FRMD4B: variants seen among roughly 807,000 people sequenced by gnomAD.
FRMD4B encodes the protein FERM domain-containing protein 4B.
In FRMD4B, 74 loss-of-function variants were observed where a neutral mutation model predicts 141.5. The ratio of observed to expected loss-of-function variants is 0.52; its 90% confidence interval spans 0.43 to 0.63. The LOEUF is 0.63. FRMD4B is among the 30% of genes least tolerant of loss of function. The pLI, the probability that FRMD4B is intolerant of heterozygous loss-of-function variation, is 0.00. For missense variants in FRMD4B, 1,366 were observed against 1,253.4 expected, an observed-to-expected ratio of 1.09 and a Z score of -1.36; for synonymous variants, 506 against 467.9, an observed-to-expected ratio of 1.08 and a Z score of -1.05.
chr3:69,454,299 T>C lies in FRMD4B; in HGVS notation c.-128-21538A>G, dbSNP rs1705549660. On this transcript the variant is annotated intron_variant, in intron 1 of 5. Coordinates refer to the FRMD4B transcript ENST00000459638. ...CAGCGTGCTGGCAGCCCTCGCTTGC[T>C]CTCTGCCCCTCCTCGGCCTCAGTGC... Among the ~76,000 whole-genome samples the C allele has an allele frequency of 2.0e-5, 3 of 152,222 alleles. No homozygotes were observed. In the South Asian group the frequency reaches 6.2e-4, roughly 32 times the overall value.
At chr3:69,223,509 C>T (rs761496154) in intron 8 of FRMD4B, among the ~76,000 whole-genome samples, 5 of 151,520 alleles carry the variant, frequency 3.3e-5, no homozygotes, top group East Asian at 1.9e-4. Flanking sequence ...GGGGAGACTC[C>T]GTCTCAAAAA....
intron 5 of FRMD4B, among the ~76,000 whole-genome samples, chr3:69,253,632 TG>T (rs1482904766): frequency 5.9e-5 from 9 of 152,174 alleles, no homozygotes; most frequent in Non-Finnish European, 1.2e-4. Flanking sequence ...CACCTCAGTT[TG>T]TTTCCAAGCC....
At chr3:69,517,898 G>A (rs1223504407) in intron 1 of FRMD4B, among the ~76,000 whole-genome samples, 5 of 150,454 alleles carry the variant, frequency 3.3e-5, no homozygotes, top group African/African-American at 9.7e-5. Context: ...AACATCACCC[G>A]GAGTGTTTGC....
intron 1 of FRMD4B, among the ~76,000 whole-genome samples, chr3:69,318,040 T>C (rs995976546): frequency 4.6e-5 from 7 of 152,132 alleles, no homozygotes; most frequent in African/African-American, 1.7e-4. Context: ...GGCACAAAGG[T>C]GGCTCACTGT....
At chr3:69,322,096 A>T (rs963812327) in intron 1 of FRMD4B, among the ~76,000 whole-genome samples, 3 of 151,992 alleles carry the variant, frequency 2.0e-5, no homozygotes, top group African/African-American at 7.3e-5. Context: ...CTCACACATA[A>T]AAAACACTCT....
intron 1 of FRMD4B, among the ~76,000 whole-genome samples, chr3:69,540,809 T>C (rs554189893): frequency 6.6e-6 from 1 of 151,734 alleles, no homozygotes; most frequent in East Asian, 1.9e-4. Context: ...AGATCTTACA[T>C]AAACCACAGA....
chr3:69,370,167 C>T (rs1222472564), intron 1 of FRMD4B, among the ~76,000 whole-genome samples: 2 of 151,104 alleles, frequency 1.3e-5, no homozygotes, highest in African/African-American at 4.9e-5. Flanking sequence ...TCAGAAGGGC[C>T]GTTCATCCTT....
intron 3 of FRMD4B, among the ~76,000 whole-genome samples, chr3:69,307,528 C>T (rs148784661): frequency 9.9e-5 from 15 of 151,942 alleles, no homozygotes; most frequent in Non-Finnish European, 2.1e-4. Context: ...TTTAGTAAGA[C>T]GGGGTTTTGC....
Position 69,207,634 on chromosome 3 carries a change from C to T in FRMD4B, c.876+8629G>A, listed in dbSNP as rs2093036602. On this transcript the variant is annotated intron_variant, in intron 11 of 22. Coordinates refer to ENST00000398540, the MANE Select transcript of FRMD4B (RefSeq NM_015123.3). ...ACCATCTTGGCCAACATGGTGAAAC[C>T]CCGTCTCTACTAAAAATACAAAAAT... 2.0e-5 allele frequency among the ~76,000 whole-genome samples: 3 copies of T among 152,102 alleles called. No homozygotes were observed. The South Asian group carries it at 6.2e-4, about 32-fold the overall frequency.
intron 2 of FRMD4B, among the ~76,000 whole-genome samples, chr3:69,412,935 G>A (rs1394120551): frequency 7.0e-6 from 1 of 143,146 alleles, no homozygotes; most frequent in Non-Finnish European, 1.5e-5. Flanking sequence ...CACGCACCAG[G>A]CATGAAATCA....
intron 1 of FRMD4B, among the ~76,000 whole-genome samples, chr3:69,365,871 G>T (rs77037681): frequency 0.22 from 33,180 of 151,634 alleles, 4,563 homozygotes; most frequent in African/African-American, 0.39. Context: ...TCACAGAAAT[G>T]CTCCCACAAA....
intron 11 of FRMD4B, among the ~76,000 whole-genome samples, chr3:69,215,282 C>CTTTTTTTTTTTTTTTTTTTTTTTTTTT (rs1559724064): frequency 2.7e-5 from 1 of 37,474 alleles, no homozygotes; most frequent in East Asian, 4.2e-4. Flanking sequence ...GATTGTGACC[C>CTTTTTTTTTTTTTTTTTTTTTTTTTTT]TCTTTTTTTT....
intron 1 of FRMD4B, among the ~76,000 whole-genome samples, chr3:69,372,347 A>G (rs1465355561): frequency 6.6e-6 from 1 of 152,200 alleles, no homozygotes. Flanking sequence ...AAGGTAATAA[A>G]TATTGCTCAA....
Position 69,284,264 on chromosome 3 carries a change from T to C in FRMD4B, c.501+3488A>G, listed in dbSNP as rs189616422. Among the ~76,000 whole-genome samples the C allele has an allele frequency of 4.6e-5, 7 of 152,290 alleles. No individual in the cohort carries two copies. The East Asian group carries it at 9.7e-4, about 21-fold the overall frequency. On this transcript the variant is annotated intron_variant, in intron 5 of 22. Transcript: ENST00000398540. ...AAGAGAGAGAACCCCTGAAAATCTA[T>C]AGAGGGTCTCCTCTGAGGATTCGGT...
At chr3:69,450,455 A>T (rs1400686449) in intron 1 of FRMD4B, among the ~76,000 whole-genome samples, 2 of 149,942 alleles carry the variant, frequency 1.3e-5, no homozygotes, top group African/African-American at 4.9e-5. Context: ...ACGCTGTCTC[A>T]AAAAAAAACA....
chr3:69,250,851 G>A lies in FRMD4B; in HGVS notation c.502-752C>T, dbSNP rs149469354. On this transcript the variant is annotated intron_variant, in intron 5 of 22. Transcript: ENST00000398540. ...GCCCATAATCCCAGTACTCTGGGAGGCTGAGGGAGAAGGATCACTTGAGGC... is the reference window on the plus strand; with the variant it reads ...GCCCATAATCCCAGTACTCTGGGAGACTGAGGGAGAAGGATCACTTGAGGC... Among the ~76,000 whole-genome samples the A allele has an allele frequency of 4.5e-3, 677 of 151,784 alleles. 6 individuals carry two copies. Among genetic ancestry groups the A allele is most frequent in the African/African-American group, 0.015 (628 of 41,334 alleles).
At chr3:69,247,842 G>A (rs1341992429) in intron 7 of FRMD4B, among the ~76,000 whole-genome samples, 4 of 152,172 alleles carry the variant, frequency 2.6e-5, no homozygotes, top group African/African-American at 4.8e-5. Flanking sequence ...ATAGAGACAG[G>A]GTTTCACCGT....
In FRMD4B at chr3:69,189,917, C is replaced by G. The variant is rs2092818005; in HGVS notation, c.1750G>C (p.Asp584His). ...TTACGATCATCATAGGTGGTGGTGT[C>G]AGACAAAGAGCTACTCTCTGAGGGG... ...IIPSESSSLS[D>H]TTTYDDPSDA... Residue 584 changes from aspartate to histidine, a missense_variant, in exon 18 of 23, where the codon GAC becomes CAC. Asp to His is a moderately conservative substitution (Grantham distance 81, BLOSUM62 -1). Transcript: ENST00000398540. The G allele has an allele frequency of 1.2e-6, 2 of 1,601,502 alleles. No individual in the cohort carries two copies. The highest frequency in any genetic ancestry group is 1.7e-6 in the Non-Finnish European group (2 of 1,168,902).
intron 2 of FRMD4B, among the ~76,000 whole-genome samples, chr3:69,407,240 T>C (rs769832537): frequency 1.3e-5 from 2 of 152,158 alleles, no homozygotes; most frequent in Non-Finnish European, 2.9e-5. Flanking sequence ...AACAGGTGCT[T>C]GGGTATAAAA....
Sources: gnomAD v4.1 joint callset for allele counts (sites outside exome capture counted in the v4.1 genomes callset) on GRCh38, gnomAD v4.1.1 for gene constraint, MANE v1.5 for transcripts, NCBI Gene and HGNC (gene_info 2026-07-23, HGNC 2026-07-21) for gene names.